The following BFAR variants were observed in gnomAD, a reference collection of about 807,000 sequenced individuals.
The protein encoded by BFAR is bifunctional apoptosis regulator, also known as RING finger protein 47.
Under a neutral mutation model 54.4 loss-of-function variants are expected in BFAR, and 52 were observed. The observed-to-expected ratio is 0.96, with a 90% CI of 0.77 to 1.21. The LOEUF is 1.21. BFAR is among the 50% of genes most tolerant of loss of function. The pLI, the probability that BFAR is intolerant of heterozygous loss-of-function variation, is 0.00. For synonymous variants in BFAR, 215 were observed against 204.3 expected, an observed-to-expected ratio of 1.05 and a Z score of -0.45; for missense variants, 571 against 534.0, an observed-to-expected ratio of 1.07 and a Z score of -0.68.
At position 14,640,452 on chromosome 16, in the gene BFAR, G is replaced by GGTTTTT. The variant is rs368351280; in HGVS notation, c.-73-3809_-73-3804dup. On this transcript the variant is annotated intron_variant, in intron 1 of 7. Coordinates refer to ENST00000261658, the MANE Select transcript of BFAR (RefSeq NM_016561.3). ...CGATTCCAGTATTGCCAGATCTCTG[G>GGTTTTT]GTTTTTGTTTTTGTTTTTTTTCAAG... is the stretch of plus-strand genomic sequence containing the variant. 7.4e-3 allele frequency among the ~76,000 whole-genome samples: 1,131 copies of GGTTTTT among 152,236 alleles called. 7 individuals are homozygous for GGTTTTT. The highest frequency in any genetic ancestry group is 0.026 in the African/African-American group (1,060 of 41,536).
chr16:14,665,129 G>A, intron 7 of BFAR, 58 bp downstream of exon 7: 6 of 1,457,556 alleles, frequency 4.1e-6, no homozygotes, highest in Non-Finnish European at 4.8e-6. Flanking sequence ...CCAAGTGAGA[G>A]AAAGATCCTC....
At chr16:14,633,500 A>C (rs1959329502) in intron 1 of BFAR, 1 of 152,248 alleles carries the variant, frequency 6.6e-6, no homozygotes, top group South Asian at 2.1e-4. Flanking sequence ...TCCTGGCCTA[A>C]GGCGGAGCGA....
chr16:14,634,791 T>A (rs1959381977), intron 1 of BFAR, among the ~76,000 whole-genome samples: 1 of 152,198 alleles, frequency 6.6e-6, no homozygotes, highest in Non-Finnish European at 1.5e-5. Context: ...CCCAGATCAG[T>A]GTCACTCCTA....
At chr16:14,648,364 A>ATTTTT (rs540587741) in intron 2 of BFAR, 24 bp from the exon 3 acceptor site, 8 of 1,494,906 alleles carry the variant, frequency 5.4e-6, no homozygotes, top group Admixed American at 1.7e-5. Flanking sequence ...AACTGTCTTA[A>ATTTTT]TTTTTTTTTT....
At chr16:14,653,086 G>A (rs1280411522) in intron 4 of BFAR, among the ~76,000 whole-genome samples, 1 of 152,152 alleles carries the variant, frequency 6.6e-6, no homozygotes, top group African/African-American at 2.4e-5. Context: ...TTAGTACAAT[G>A]TATTTTTACA....
At chr16:14,656,625 A>G (rs968558878) in intron 5 of BFAR, among the ~76,000 whole-genome samples, 5 of 152,156 alleles carry the variant, frequency 3.3e-5, no homozygotes, top group African/African-American at 1.2e-4. Flanking sequence ...TTAGAGGGTC[A>G]TTGTGAGACT....
At chr16:14,654,953 T>A in intron 4 of BFAR, 113 bp from the exon 5 acceptor site, 1 of 1,131,388 alleles carries the variant, frequency 8.8e-7, no homozygotes, top group Non-Finnish European at 1.2e-6. Flanking sequence ...ATGTGAAATG[T>A]CTCACCATAC....
At position 14,668,315 on chromosome 16, in the gene BFAR, C is replaced by T. The variant is rs1960500788; in HGVS notation, c.*488C>T. The T allele has an allele frequency of 6.4e-6, 1 of 156,514 alleles. No homozygotes were observed. Among genetic ancestry groups the T allele is most frequent in the Non-Finnish European group, 1.4e-5 (1 of 70,948 alleles). The allele number at this position is 156,514 out of a possible 1,614,324, so 9.7% of individuals were successfully genotyped here. Reference sequence around the variant, plus strand: ...TCTGTCATAGGCATAGAGAGTTGCACATAAAAAATACCGAAGAAAACCCAA... The same window carrying T: ...TCTGTCATAGGCATAGAGAGTTGCATATAAAAAATACCGAAGAAAACCCAA... On this transcript the variant is annotated 3_prime_UTR_variant, in exon 8 of 8. Transcript: ENST00000261658.
In BFAR at chr16:14,644,577, G is replaced by A; in HGVS notation, c.231G>A (p.Trp77Ter). ...AATGTCCAGAATGCAGAGAAAAATG[G>A]GAAGGTTTCCCCAAAGTCAGTATTC... ...KTECPECREK[W>*]EGFPKVSILL... The change falls in exon 2 of 8, where the codon TGG (tryptophan) becomes TGA (stop). Residue 77 changes from tryptophan (W) to a stop codon, truncating the protein, a stop_gained. Transcript: ENST00000261658. LOFTEE classifies it high-confidence loss of function. 6.2e-7 allele frequency: 1 copy of A among 1,613,914 alleles called. No individual in the cohort carries two copies. Among genetic ancestry groups the A allele is most frequent in the Non-Finnish European group, 8.5e-7 (1 of 1,179,994 alleles).
rs1368002759 is a variant in BFAR at position 14,664,910 on chromosome 16, G to A, written c.999G>A (p.Leu333=). The change falls in exon 7 of 8, where the codon CTG becomes CTA. Residue 333 remains leucine, a synonymous_variant. Coordinates refer to ENST00000261658, the MANE Select transcript of BFAR (RefSeq NM_016561.3). ...CGTGGAAGCAGTGGAGAGAGTTCCT[G>A]GTCAAATACTCCTTCCTTCCATACC... ...EPTWKQWREF[L]VKYSFLPYQL... 1 of 1,614,006 alleles carries A rather than the reference G, an allele frequency of 6.2e-7. No homozygotes were observed. The highest frequency in any genetic ancestry group is 1.1e-5 in the South Asian group (1 of 91,074).
intron 4 of BFAR, among the ~76,000 whole-genome samples, chr16:14,651,083 TG>T (rs973704991): frequency 2.0e-4 from 30 of 152,270 alleles, no homozygotes; most frequent in Non-Finnish European, 3.5e-4. Context: ...AGACACCAGC[TG>T]GATGTCCTCT....
At chr16:14,664,385 C>T (rs571541120) in intron 6 of BFAR, among the ~76,000 whole-genome samples, 141 of 131,010 alleles carry the variant, frequency 1.1e-3, no homozygotes, top group African/African-American at 3.7e-3. Context: ...ATCAAGACTC[C>T]GTCTCAAAAA....
Position 14,660,273 on chromosome 16 carries a change from G to GA in BFAR, c.784-1617dup, listed in dbSNP as rs147526210. On this transcript the variant is annotated intron_variant, in intron 5 of 7. Transcript: ENST00000261658. ...GCTCATTTTATTTTGATGCTACTAAGAATCAAATAAATTGAATCTTTTTTC... is the reference window on the plus strand; with the variant it reads ...GCTCATTTTATTTTGATGCTACTAAGAAATCAAATAAATTGAATCTTTTTTC... Among the ~76,000 whole-genome samples, 303 of 152,210 alleles carry GA rather than the reference G, an allele frequency of 2.0e-3. 2 individuals are homozygous for GA. The highest frequency in any genetic ancestry group is 7.1e-3 in the African/African-American group (296 of 41,546).
At chr16:14,642,756 G>A (rs1055597842) in intron 1 of BFAR, among the ~76,000 whole-genome samples, 3 of 152,314 alleles carry the variant, frequency 2.0e-5, no homozygotes, top group Non-Finnish European at 4.4e-5. Context: ...TGCCTAATGA[G>A]AAGGCAGATT....
Position 14,667,969 on chromosome 16 carries a change from C to T in BFAR, c.*142C>T. 1.2e-6 allele frequency: 1 copy of T among 841,430 alleles called. No individual in the cohort carries two copies. The highest frequency in any genetic ancestry group is 1.8e-6 in the Non-Finnish European group (1 of 543,060). 52.1% of individuals were successfully genotyped at this position (841,430 alleles called of 1,614,324 possible). A position where few individuals can be genotyped will look rare whatever the true frequency, so the allele number is the denominator to read the frequency against. ...TGCTTTGTATATCAAAAGCTCCAACCATGTCCTCTCCCCCTCAGCCTGTGG... is the reference window on the plus strand; with the variant it reads ...TGCTTTGTATATCAAAAGCTCCAACTATGTCCTCTCCCCCTCAGCCTGTGG... On this transcript the variant is annotated 3_prime_UTR_variant, in exon 8 of 8. Transcript: ENST00000261658.
intron 5 of BFAR, among the ~76,000 whole-genome samples, chr16:14,657,541 C>A (rs1422351010): frequency 6.6e-6 from 1 of 151,658 alleles, no homozygotes; most frequent in Non-Finnish European, 1.5e-5. Flanking sequence ...AGCCACCGCG[C>A]CTGACCTGTT....
chr16:14,645,629 T>G (rs1044936235), intron 2 of BFAR, among the ~76,000 whole-genome samples: 3 of 152,202 alleles, frequency 2.0e-5, no homozygotes, highest in Non-Finnish European at 4.4e-5. Context: ...CCTTTTCTTT[T>G]TCACAAAAGA....
intron 6 of BFAR, 90 bp downstream of exon 6, chr16:14,662,155 GT>G: frequency 6.8e-7 from 1 of 1,461,508 alleles, no homozygotes; most frequent in Admixed American, 1.8e-5. Context: ...TGTTTCTTCA[GT>G]TTGACCCATG....
At chr16:14,634,380 CA>C (rs1959368217) in intron 1 of BFAR, among the ~76,000 whole-genome samples, 1 of 152,182 alleles carries the variant, frequency 6.6e-6, no homozygotes, top group Non-Finnish European at 1.5e-5. Flanking sequence ...TTCTCCAGGG[CA>C]GTTCTTTTTG....
Sources: gnomAD v4.1 joint callset for allele counts (sites outside exome capture counted in the v4.1 genomes callset) on GRCh38, gnomAD v4.1.1 for gene constraint, MANE v1.5 for transcripts, NCBI Gene and HGNC (gene_info 2026-07-23, HGNC 2026-07-21) for gene names.